NME9: variants seen among roughly 807,000 people sequenced by gnomAD.
NME9 encodes thioredoxin domain-containing protein 6.
NME9 carries 48 observed loss-of-function variants against 44.4 expected under a neutral mutation model. The observed-to-expected ratio is 1.08, with a 90% CI of 0.86 to 1.37. The LOEUF is 1.37. Among genes scored for constraint, NME9 ranks in the 40% most tolerant of loss-of-function variants. The probability of loss-of-function intolerance (pLI) is 0.00; values close to 1 mark genes in which losing one functional copy is unlikely to be tolerated. For missense variants in NME9, 325 were observed against 405.2 expected, an observed-to-expected ratio of 0.80 and a Z score of 1.70; for synonymous variants, 139 against 147.1, an observed-to-expected ratio of 0.94 and a Z score of 0.40.
intron 8 of NME9, among the ~76,000 whole-genome samples, chr3:138,266,718 C>T (rs2048316672): frequency 1.3e-5 from 2 of 152,144 alleles, no homozygotes; most frequent in Non-Finnish European, 2.9e-5. Flanking sequence ...TAGTAGCCTG[C>T]TTGATTCGTC....
intron 8 of NME9, among the ~76,000 whole-genome samples, chr3:138,277,731 T>A (rs1328911310): frequency 6.6e-6 from 1 of 152,202 alleles, no homozygotes. Context: ...TTTGACAGTT[T>A]CTTACAAAGT....
At chr3:138,274,333 C>A (rs2049069332) in intron 8 of NME9, 2 of 663,794 alleles carry the variant, frequency 3.0e-6, no homozygotes, top group East Asian at 2.7e-5. Context: ...GTTCTATATG[C>A]TATAGTGTTT....
chr3:138,269,000 G>A (rs541913451), intron 8 of NME9, among the ~76,000 whole-genome samples: 2 of 152,160 alleles, frequency 1.3e-5, no homozygotes, highest in East Asian at 1.9e-4. Flanking sequence ...AATATTAAGC[G>A]TAAAAGGGGC....
chr3:138,329,568 G>A lies in NME9; in HGVS notation c.-233C>T. ...CCTGCAGTCCACGGGCTCGTGGCTCGCCGGGCGGTTTTCTGGGGATCTGCG... is the reference window on the plus strand; with the variant it reads ...CCTGCAGTCCACGGGCTCGTGGCTCACCGGGCGGTTTTCTGGGGATCTGCG... On this transcript the variant is annotated 5_prime_UTR_variant, in exon 1 of 11. Transcript: ENST00000333911. The A allele has an allele frequency of 7.6e-7, 1 of 1,312,542 alleles. No homozygotes were observed. 81.3% of individuals were successfully genotyped at this position (1,312,542 alleles called of 1,614,324 possible). A position where few individuals can be genotyped will look rare whatever the true frequency, so the allele number is the denominator to read the frequency against.
rs765730940 is a variant in NME9 at position 138,318,013 on chromosome 3, T to G, written c.267+135A>C. The G allele has an allele frequency of 1.6e-4, 108 of 664,752 alleles. 1 individual carries two copies. The highest frequency in any genetic ancestry group is 5.5e-4 in the Middle Eastern group (2 of 3,622). The allele number at this position is 664,752 out of a possible 1,614,324, so 41.2% of individuals were successfully genotyped here. ...GAGGCATCAGAGAAAACAGCATCAC[T>G]TGTTTGAATCTGTGAGGCCTCTTGG... On this transcript the variant is annotated intron_variant, in intron 4 of 10. Coordinates refer to ENST00000333911, the MANE Select transcript of NME9 (RefSeq NM_001349018.2).
At chr3:138,264,064 C>T in intron 8 of NME9, 2 of 1,437,598 alleles carry the variant, frequency 1.4e-6, no homozygotes, top group East Asian at 2.3e-5. Flanking sequence ...TGTAAAATGC[C>T]AGCCAGTTTG....
downstream of NME9, chr3:138,296,032 T>A: frequency 7.3e-6 from 5 of 686,920 alleles, no homozygotes; most frequent in Non-Finnish European, 1.1e-5. Context: ...TTTAGTAGGC[T>A]TAGATCTCAA....
At chr3:138,293,154 A>G (rs1194402485) in intron 8 of NME9, among the ~76,000 whole-genome samples, 1 of 152,152 alleles carries the variant, frequency 6.6e-6, no homozygotes, top group Non-Finnish European at 1.5e-5. Flanking sequence ...GAACTTAACT[A>G]ACTCCTCTGA....
intron 2 of NME9, among the ~76,000 whole-genome samples, chr3:138,321,871 G>A (rs2053484868): frequency 6.6e-6 from 1 of 151,792 alleles, no homozygotes; most frequent in Non-Finnish European, 1.5e-5. Context: ...TGTTGAAGGG[G>A]AAAGGAGAAC....
chr3:138,296,036 A>G, downstream of NME9: 2 of 648,122 alleles, frequency 3.1e-6, no homozygotes, highest in Non-Finnish European at 2.5e-6. Flanking sequence ...GTAGGCTTAG[A>G]TCTCAAATTC....
At chr3:138,283,051 A>T (rs769520436) in intron 8 of NME9, among the ~76,000 whole-genome samples, 26 of 152,180 alleles carry the variant, frequency 1.7e-4, no homozygotes, top group Non-Finnish European at 3.1e-4. Flanking sequence ...AACATGATCT[A>T]ACTGCCCTGG....
At chr3:138,263,958 C>T (rs2048003952) in intron 8 of NME9, 1 of 978,478 alleles carries the variant, frequency 1.0e-6, no homozygotes, top group South Asian at 1.4e-5. Context: ...GAGTATATAA[C>T]ATTGTCTAAC....
At chr3:138,277,274 A>C (rs890680251) in intron 8 of NME9, among the ~76,000 whole-genome samples, 1 of 152,246 alleles carries the variant, frequency 6.6e-6, no homozygotes, top group African/African-American at 2.4e-5. Context: ...ACTGATAGAC[A>C]TAACATAAAA....
At chr3:138,266,058 C>T (rs2048256626) in intron 8 of NME9, among the ~76,000 whole-genome samples, 1 of 152,178 alleles carries the variant, frequency 6.6e-6, no homozygotes, top group Non-Finnish European at 1.5e-5. Flanking sequence ...TGAGGCCTAT[C>T]AGAACAGTAT....
intron 8 of NME9, among the ~76,000 whole-genome samples, chr3:138,280,986 A>G (rs905256515): frequency 2.6e-5 from 4 of 151,958 alleles, no homozygotes; most frequent in Non-Finnish European, 5.9e-5. Context: ...ATATATTTCA[A>G]TTTTTGCAGG....
chr3:138,299,989 T>C (rs573815880), downstream of NME9, among the ~76,000 whole-genome samples: 1 of 152,078 alleles, frequency 6.6e-6, no homozygotes, highest in East Asian at 1.9e-4. Context: ...CTTCTCCAAG[T>C]CGTTTGCCAC....
intron 10 of NME9, among the ~76,000 whole-genome samples, chr3:138,302,042 G>A (rs1324790648): frequency 6.6e-6 from 1 of 152,170 alleles, no homozygotes; most frequent in African/African-American, 2.4e-5. Context: ...CCCAGAAAAT[G>A]TAAGTAACTT....
chr3:138,271,826 C>T (rs1200818842), intron 8 of NME9, among the ~76,000 whole-genome samples: 3 of 134,906 alleles, frequency 2.2e-5, no homozygotes, highest in East Asian at 2.0e-4. Context: ...TACAGAGTCT[C>T]GCTTAGTTGC....
intron 2 of NME9, among the ~76,000 whole-genome samples, chr3:138,320,409 TG>T (rs2053389914): frequency 6.6e-6 from 1 of 152,190 alleles, no homozygotes; most frequent in Non-Finnish European, 1.5e-5. Flanking sequence ...TCCACACAGG[TG>T]AGCATTTCTG....
Sources: gnomAD v4.1 joint callset for allele counts (sites outside exome capture counted in the v4.1 genomes callset) on GRCh38, gnomAD v4.1.1 for gene constraint, MANE v1.5 for transcripts, NCBI Gene and HGNC (gene_info 2026-07-23, HGNC 2026-07-21) for gene names.